CAMSAP2: variants seen among roughly 807,000 people sequenced by gnomAD.
CAMSAP2 encodes calmodulin-regulated spectrin-associated protein 2.
In CAMSAP2, 26 loss-of-function variants were observed where a neutral mutation model predicts 146.1. That is an observed-to-expected ratio of 0.18 (90% CI 0.13 to 0.25). CAMSAP2 has a LOEUF of 0.25. Ranked by LOEUF, CAMSAP2 falls within the 10% of genes least tolerant of loss-of-function variation. The pLI is 1.00. For missense variants in CAMSAP2, 1,381 were observed against 1,759.3 expected (o/e 0.78, Z 3.85); for synonymous variants, 499 against 596.6 (o/e 0.84, Z 2.38).
intron 1 of CAMSAP2, among the ~76,000 whole-genome samples, chr1:200,755,727 A>G (rs1469218662): frequency 6.6e-6 from 1 of 152,240 alleles, no homozygotes; most frequent in African/African-American, 2.4e-5. Flanking sequence ...TTTCAGACGC[A>G]GTTCCAGGTA....
chr1:200,783,379 G>C (rs1665494068), intron 2 of CAMSAP2, among the ~76,000 whole-genome samples: 1 of 152,048 alleles, frequency 6.6e-6, no homozygotes, highest in Admixed American at 6.6e-5. Context: ...TCTTATTGGG[G>C]TTTTTATTTT....
rs1305229009 is a variant in CAMSAP2, at chr1:200,849,919, G to T, written c.3150G>T (p.Leu1050Phe). 1 of 1,614,108 alleles carries T rather than the reference G, an allele frequency of 6.2e-7. No individual in the cohort carries two copies. Among genetic ancestry groups the T allele is most frequent in the Admixed American group, 1.7e-5 (1 of 59,996 alleles). ...KKEELESKGTLEQRGHNPEEK... is the reference protein window; with the variant it reads ...KKEELESKGTFEQRGHNPEEK... ...AGGAATTGGAATCCAAAGGGACTTTGGAACAGCGTGGACATAATCCAGAAG... is the reference window on the plus strand; with the variant it reads ...AGGAATTGGAATCCAAAGGGACTTTTGAACAGCGTGGACATAATCCAGAAG... The change falls in exon 11 of 17, where the codon TTG becomes TTT. Residue 1050 changes from leucine (L) to phenylalanine (F), a missense_variant. Physicochemically the swap from Leu to Phe is conservative, Grantham distance 22. Coordinates refer to ENST00000358823, the MANE Select transcript of CAMSAP2 (RefSeq NM_203459.4). This position sits in a 1 kb window ranked among gnomAD's most constrained non-coding sequence, Gnocchi z 6.3.
At chr1:200,833,296 C>T (rs1010141703) in intron 6 of CAMSAP2, among the ~76,000 whole-genome samples, 2 of 152,044 alleles carry the variant, frequency 1.3e-5, no homozygotes, top group African/African-American at 2.4e-5. Flanking sequence ...TGTAGTGACT[C>T]GTGCCTGTAA....
At chr1:200,843,334 C>G (rs1667375557) in intron 7 of CAMSAP2, among the ~76,000 whole-genome samples, 1 of 152,114 alleles carries the variant, frequency 6.6e-6, no homozygotes, top group African/African-American at 2.4e-5. Flanking sequence ...TTCAGGCAGC[C>G]CACCGCATCT....
intron 1 of CAMSAP2, among the ~76,000 whole-genome samples, chr1:200,759,652 A>G (rs1219286513): frequency 6.6e-6 from 1 of 152,190 alleles, no homozygotes; most frequent in Non-Finnish European, 1.5e-5. Context: ...CTATTCAGGA[A>G]ACAGCTAAGA....
intron 2 of CAMSAP2, among the ~76,000 whole-genome samples, chr1:200,766,496 G>A (rs981882664): frequency 1.3e-5 from 2 of 152,002 alleles, no homozygotes; most frequent in African/African-American, 4.8e-5. Context: ...TCTATCTTAC[G>A]TAATTTAATT....
rs1399174328 is a variant in CAMSAP2, at chr1:200,816,862, GTA to G, written c.645+1220_645+1221del. Among the ~76,000 whole-genome samples, 60 of 62,810 alleles carry G rather than the reference GTA, an allele frequency of 9.6e-4. 16 individuals carry two copies. Among genetic ancestry groups the G allele is most frequent in the Non-Finnish European group, 1.5e-3 (50 of 34,174 alleles). 41.2% of individuals were successfully genotyped at this position (62,810 alleles called of 152,430 possible). On this transcript the variant is annotated intron_variant, in intron 4 of 16. Coordinates refer to ENST00000358823, the MANE Select transcript of CAMSAP2 (RefSeq NM_203459.4). Reference sequence around the variant, plus strand: ...TATGTGTGTACACACACACGCGTGTGTATGTGTGTACACACACACGCGTGTGT... The same window carrying G: ...TATGTGTGTACACACACACGCGTGTGTGTGTGTACACACACACGCGTGTGT...
chr1:200,810,096 T>G (rs562676419), intron 3 of CAMSAP2, among the ~76,000 whole-genome samples: 1 of 152,296 alleles, frequency 6.6e-6, no homozygotes, highest in East Asian at 1.9e-4. Flanking sequence ...GGGGCAAATA[T>G]TCAAACCATA....
At chr1:200,830,964 A>G (rs1442165119) in intron 4 of CAMSAP2, among the ~76,000 whole-genome samples, 3 of 152,216 alleles carry the variant, frequency 2.0e-5, no homozygotes, top group Non-Finnish European at 4.4e-5. Flanking sequence ...ATAGCATTGA[A>G]AAGAAATCTA....
intron 7 of CAMSAP2, 152 bp from the exon 8 acceptor site, chr1:200,844,630 A>C: frequency 2.1e-6 from 1 of 465,512 alleles, no homozygotes; most frequent in Non-Finnish European, 3.8e-6. Context: ...TGACCCTTTG[A>C]AAATTATTTA....
At chr1:200,762,231 CTT>C (rs1411056323) in intron 2 of CAMSAP2, among the ~76,000 whole-genome samples, 3 of 151,914 alleles carry the variant, frequency 2.0e-5, no homozygotes, top group Non-Finnish European at 2.9e-5. Flanking sequence ...TAAAGTAACT[CTT>C]TTAATATTTC....
chr1:200,740,025 T>A, intron 1 of CAMSAP2, 59 bp downstream of exon 1: 1 of 1,585,684 alleles, frequency 6.3e-7, no homozygotes, highest in Admixed American at 1.7e-5. Flanking sequence ...CATCTCGGTT[T>A]TTGTTCCCGA....
At chr1:200,757,945 T>G (rs1664694492) in intron 1 of CAMSAP2, among the ~76,000 whole-genome samples, 1 of 152,228 alleles carries the variant, frequency 6.6e-6, no homozygotes, top group African/African-American at 2.4e-5. Flanking sequence ...CCTTCCACCC[T>G]TTTGATCTTG....
chr1:200,847,394 TG>T (rs35428855), intron 9 of CAMSAP2, 102 bp downstream of exon 9: 96,638 of 771,988 alleles, frequency 0.13, 8,255 homozygotes, highest in East Asian at 0.18. Context: ...GGTTTTTTTG[TG>T]TGTGTGTGTG....
rs909847672 is a variant in CAMSAP2 at position 200,739,990 on chromosome 1, C to T, written c.139+24C>T. On this transcript the variant is annotated intron_variant, in intron 1 of 16. Coordinates refer to ENST00000358823, the MANE Select transcript of CAMSAP2 (RefSeq NM_203459.4). This position sits in a 1 kb window ranked among gnomAD's most constrained non-coding sequence, Gnocchi z 4.8. ...AGGTTAGTGGTGTCACCCTTTCCCT[C>T]CCCTCTTCCTCCTGATGTGGTCCAC... is the stretch of plus-strand genomic sequence containing the variant. 1 of 1,612,078 alleles carries T rather than the reference C, an allele frequency of 6.2e-7. No individual in the cohort carries two copies. The highest frequency in any genetic ancestry group is 1.3e-5 in the African/African-American group (1 of 75,024).
At chr1:200,741,120 A>G (rs1249837962) in intron 1 of CAMSAP2, among the ~76,000 whole-genome samples, 2 of 152,216 alleles carry the variant, frequency 1.3e-5, no homozygotes, top group African/African-American at 2.4e-5. Flanking sequence ...CAGGACTTAC[A>G]CATCCTACTT....
intron 9 of CAMSAP2, 61 bp from the exon 10 acceptor site, chr1:200,847,579 A>G: frequency 7.9e-7 from 1 of 1,272,770 alleles, no homozygotes; most frequent in Non-Finnish European, 1.1e-6. Context: ...AAATCTCCTA[A>G]GTTGCTATAA....
intron 11 of CAMSAP2, among the ~76,000 whole-genome samples, chr1:200,851,926 A>G (rs1224437966): frequency 6.6e-6 from 1 of 152,252 alleles, no homozygotes; most frequent in Non-Finnish European, 1.5e-5. Flanking sequence ...GGATTCAGGT[A>G]GAAACTAGGG....
At position 200,822,117 on chromosome 1, in the gene CAMSAP2, C is replaced by CCTCT. The variant is rs147240246; in HGVS notation, c.645+6487_645+6490dup. Reference sequence around the variant, plus strand: ...AAAATTTCCTTTATCATTCTGTCTCCCTCTCTCTCTCTCTCTCGCTCTACA... The same window carrying CCTCT: ...AAAATTTCCTTTATCATTCTGTCTCCCTCTCTCTCTCTCTCTCTCTCGCTCTACA... On this transcript the variant is annotated intron_variant, in intron 4 of 16. Transcript: ENST00000358823. 5.3e-4 allele frequency among the ~76,000 whole-genome samples: 71 copies of CCTCT among 134,654 alleles called. 2 individuals carry two copies. The highest frequency in any genetic ancestry group is 1.8e-3 in the African/African-American group (67 of 36,228). The allele number at this position is 134,654 out of a possible 152,430, so 88.3% of individuals were successfully genotyped here.
Sources: allele counts gnomAD v4.1 joint callset (sites outside exome capture counted in the v4.1 genomes callset), GRCh38; gene constraint gnomAD v4.1.1; non-coding constraint Gnocchi (gnomAD v3.1); transcripts MANE v1.5; gene names NCBI Gene and HGNC (gene_info 2026-07-23, HGNC 2026-07-21).